Variants in GABRG3 observed in about 807,000 individuals in gnomAD.
The protein encoded by GABRG3 is gamma-aminobutyric acid type A receptor subunit gamma3, also known as gamma-aminobutyric acid receptor subunit gamma-3.
Under a neutral mutation model 48.8 loss-of-function variants are expected in GABRG3, and 25 were observed. The ratio of observed to expected loss-of-function variants is 0.51; its 90% CI spans 0.37 to 0.72. The LOEUF (loss-of-function observed/expected upper bound fraction) is 0.72, where lower values mean the gene tolerates loss of function less well. Among genes scored for constraint, GABRG3 ranks in the 30% least tolerant of loss-of-function variants. The probability of loss-of-function intolerance (pLI) is 0.00; values close to 1 mark genes in which losing one functional copy is unlikely to be tolerated. For missense variants in GABRG3, 394 were observed against 577.9 expected, an observed-to-expected ratio of 0.68 and a Z score of 3.26; for synonymous variants, 227 against 217.6, an observed-to-expected ratio of 1.04 and a Z score of -0.38.
chr15:27,025,852 G>A (rs1039579234), intron 2 of GABRG3, among the ~76,000 whole-genome samples: 3 of 152,308 alleles, frequency 2.0e-5, no homozygotes, highest in Middle Eastern at 3.4e-3. Context: ...TTCCTCCTGG[G>A]CAGAAATTTT....
chr15:27,092,570 T>G (rs1408451228), intron 3 of GABRG3, among the ~76,000 whole-genome samples: 1 of 152,178 alleles, frequency 6.6e-6, no homozygotes, highest in Non-Finnish European at 1.5e-5. Flanking sequence ...GGAGGCTCTG[T>G]GTCGTGTTGC....
rs1003155349 is a variant in GABRG3 at position 27,004,501 on chromosome 15, C to T, written c.203-22253C>T. 6.1e-5 allele frequency among the ~76,000 whole-genome samples: 9 copies of T among 148,606 alleles called. No homozygotes were observed. In the East Asian group the frequency reaches 1.0e-3, roughly 17 times the overall value. On this transcript the variant is annotated intron_variant, in intron 2 of 9. Coordinates refer to ENST00000615808, the MANE Select transcript of GABRG3 (RefSeq NM_033223.5). ...GCAGAGGGGCTCCTCACATCCCAGACGATGGGCGGTCAGGCAGAGACACTC... is the reference window on the plus strand; with the variant it reads ...GCAGAGGGGCTCCTCACATCCCAGATGATGGGCGGTCAGGCAGAGACACTC...
intron 3 of GABRG3, among the ~76,000 whole-genome samples, chr15:27,141,045 C>T (rs1234433519): frequency 6.6e-6 from 1 of 152,044 alleles, no homozygotes; most frequent in Admixed American, 6.6e-5. Flanking sequence ...GTTCCCTATA[C>T]AGAAAAGTGG....
intron 3 of GABRG3, among the ~76,000 whole-genome samples, chr15:27,235,016 C>T (rs181782941): frequency 2.6e-5 from 4 of 152,002 alleles, no homozygotes; most frequent in African/African-American, 7.2e-5. Flanking sequence ...TGGCTGAGGG[C>T]GTGGGGGGCT....
At chr15:27,098,727 A>G (rs780635081) in intron 3 of GABRG3, among the ~76,000 whole-genome samples, 3 of 152,112 alleles carry the variant, frequency 2.0e-5, no homozygotes, top group Non-Finnish European at 4.4e-5. Flanking sequence ...CAGAATTCAT[A>G]TGTGGCAAAT....
At chr15:27,292,769 C>G (rs991363022) in intron 3 of GABRG3, among the ~76,000 whole-genome samples, 1 of 152,032 alleles carries the variant, frequency 6.6e-6, no homozygotes, top group Non-Finnish European at 1.5e-5. Context: ...GCAACTTTTC[C>G]GAAGTTGTTA....
At position 27,079,041 on chromosome 15, in the gene GABRG3, A is replaced by T. The variant is rs79853788; in HGVS notation, c.270+52220A>T. 3.1e-4 allele frequency among the ~76,000 whole-genome samples: 47 copies of T among 152,262 alleles called. No individual in the cohort carries two copies. In the East Asian group the frequency reaches 9.1e-3, roughly 29 times the overall value. ...TGGAGTGATGCATCTGTGGGCCAAG[A>T]AGTGCAAGGATTGCTGGCAACACCA... On this transcript the variant is annotated intron_variant, in intron 3 of 9. Transcript: ENST00000615808.
At chr15:27,383,652 G>T (rs1799007288) in intron 5 of GABRG3, among the ~76,000 whole-genome samples, 2 of 151,966 alleles carry the variant, frequency 1.3e-5, no homozygotes, top group Admixed American at 6.6e-5. Flanking sequence ...CCTAGTGTTT[G>T]TGAGAGGAAG....
intron 5 of GABRG3, chr15:27,350,277 G>A (rs1894517589): frequency 2.3e-6 from 1 of 437,540 alleles, no homozygotes; most frequent in Non-Finnish European, 4.6e-6. Context: ...TGCCTCCATG[G>A]GGCCCACAGA....
intron 3 of GABRG3, among the ~76,000 whole-genome samples, chr15:27,069,611 CTAAAA>C (rs1202414639): frequency 2.0e-5 from 3 of 152,172 alleles, no homozygotes; most frequent in African/African-American, 7.2e-5. Context: ...AGAGTATAAA[CTAAAA>C]TGTTAACTGC....
chr15:27,042,217 G>A (rs747987677), intron 3 of GABRG3, among the ~76,000 whole-genome samples: 10 of 152,144 alleles, frequency 6.6e-5, no homozygotes, highest in Admixed American at 1.3e-4. Flanking sequence ...AGAGAATTCC[G>A]GTTGAGAAGC....
chr15:27,031,063 G>GACACACACAC (rs72485766), intron 3 of GABRG3, among the ~76,000 whole-genome samples: 42 of 149,888 alleles, frequency 2.8e-4, no homozygotes, highest in African/African-American at 7.6e-4. Flanking sequence ...CACACACACA[G>GACACACACAC]ACACACACAC....
At position 27,541,367 on chromosome 15, in the gene GABRG3, A is replaced by AG. The variant is rs1891658227; in HGVS notation, c.*8489dup. ...GGCTTGAAGCAGCCGGGGTGTGGGC[A>AG]GGGTCCTCTCTCTGTGAAGCCTGTG... On this transcript the variant is annotated 3_prime_UTR_variant, in exon 10 of 10. Transcript: ENST00000615808. 1 of 152,548 alleles carries AG rather than the reference A, an allele frequency of 6.6e-6. No homozygotes were observed. Among genetic ancestry groups the AG allele is most frequent in the Admixed American group, 6.5e-5 (1 of 15,296 alleles). 9.4% of individuals were successfully genotyped at this position (152,548 alleles called of 1,614,324 possible).
intron 6 of GABRG3, among the ~76,000 whole-genome samples, chr15:27,491,256 C>G (rs1477646218): frequency 6.6e-6 from 1 of 152,220 alleles, no homozygotes. Flanking sequence ...GGCTCCCCTT[C>G]CCAGAGGGTA....
At chr15:27,048,758 C>G (rs1896407095) in intron 3 of GABRG3, among the ~76,000 whole-genome samples, 1 of 152,210 alleles carries the variant, frequency 6.6e-6, no homozygotes, top group Non-Finnish European at 1.5e-5. Flanking sequence ...TTAAATATGT[C>G]ACCATCATGT....
intron 3 of GABRG3, among the ~76,000 whole-genome samples, chr15:27,145,665 T>TCTATC (rs57021410): frequency 5.1e-5 from 7 of 138,356 alleles, no homozygotes; most frequent in African/African-American, 1.8e-4. Flanking sequence ...ATCTATCTAT[T>TCTATC]GTGCCAGAAG....
intron 3 of GABRG3, among the ~76,000 whole-genome samples, chr15:27,278,869 G>C (rs866948854): frequency 1.3e-5 from 2 of 152,148 alleles, no homozygotes; most frequent in Non-Finnish European, 2.9e-5. Flanking sequence ...GTTTTGTTTT[G>C]TTTTGTTTTT....
intron 3 of GABRG3, among the ~76,000 whole-genome samples, chr15:27,055,943 T>C (rs58607216): frequency 0.11 from 16,479 of 152,212 alleles, 1,155 homozygotes; most frequent in East Asian, 0.25. Flanking sequence ...CACATATTGA[T>C]GAGGTACAAT....
chr15:27,350,056 T>TAC, intron 5 of GABRG3: 1 of 455,904 alleles, frequency 2.2e-6, no homozygotes, highest in Non-Finnish European at 4.4e-6. Context: ...TTCCCCTTTA[T>TAC]ACACACAAAA....
Sources: allele counts gnomAD v4.1 joint callset (sites outside exome capture counted in the v4.1 genomes callset), GRCh38; gene constraint gnomAD v4.1.1; transcripts MANE v1.5; gene names NCBI Gene and HGNC (gene_info 2026-07-23, HGNC 2026-07-21).